The following COMTD1 variants were observed in gnomAD, a reference collection of about 807,000 sequenced individuals.
COMTD1 encodes the protein catechol O-methyltransferase domain-containing protein 1.
In COMTD1, 35 loss-of-function variants were observed where a neutral mutation model predicts 33.6. The observed-to-expected ratio is 1.04, with a 90% confidence interval of 0.80 to 1.38. COMTD1 has a LOEUF of 1.38. Ranked by LOEUF, COMTD1 falls within the 40% of genes most tolerant of loss-of-function variation. COMTD1 has a pLI of 0.00. For synonymous variants in COMTD1, 160 were observed against 176.8 expected, an observed-to-expected ratio of 0.91 and a Z score of 0.75; for missense variants, 370 against 363.4, an observed-to-expected ratio of 1.02 and a Z score of -0.15.
rs572103132 is a variant in COMTD1 at position 75,235,922 on chromosome 10, G to C, written c.7C>G (p.Gln3Glu). 639 of 1,456,990 alleles carry C rather than the reference G, an allele frequency of 4.4e-4. 4 individuals carry two copies. The South Asian group carries it at 8.4e-3, about 19-fold the overall frequency. The allele number at this position is 1,456,990 out of a possible 1,614,324, so 90.3% of individuals were successfully genotyped here. A position where few individuals can be genotyped will look rare whatever the true frequency, so the allele number is the denominator to read the frequency against. The change falls in exon 1 of 7, where the codon CAG (glutamine) becomes GAG (glutamate). Residue 3 changes from glutamine to glutamate, a missense_variant. Physicochemically the swap from Gln to Glu is conservative, Grantham distance 29 (BLOSUM62 2). Transcript: ENST00000372538. MT[Q>E]PVPRLSVPAA... Reference sequence around the variant, plus strand: ...GGCACGGAGAGCCGGGGCACCGGCTGGGTCATGGCGCGGGCAGGAGGCGGC... The same window carrying C: ...GGCACGGAGAGCCGGGGCACCGGCTCGGTCATGGCGCGGGCAGGAGGCGGC...
chr10:75,234,612 T>A lies in COMTD1; in HGVS notation c.634A>T (p.Arg212Ter), dbSNP rs1842160432. ...CTCCCCCGCAGTGGATCCCTTACTCTGAGGACGGCGAGGATGCCTCCGGGT... is the reference window on the plus strand; with the variant it reads ...CTCCCCCGCAGTGGATCCCTTACTCAGAGGACGGCGAGGATGCCTCCGGGT... ...LRPGGILAVL[R>*]VLWRGKVLQP... Residue 212 changes from arginine (R) to a stop codon, truncating the protein, a stop_gained and splice_region_variant, in exon 6 of 7, where the codon AGA becomes TGA. Coordinates refer to ENST00000372538, the MANE Select transcript of COMTD1 (RefSeq NM_144589.4). LOFTEE classifies it high-confidence loss of function. 1.3e-6 allele frequency: 2 copies of A among 1,561,212 alleles called. No individual in the cohort carries two copies. Among genetic ancestry groups the A allele is most frequent in the Non-Finnish European group, 8.7e-7 (1 of 1,153,320 alleles).
chr10:75,235,910 G>C lies in COMTD1; in HGVS notation c.19C>G (p.Arg7Gly), dbSNP rs1842187348. 4 of 1,475,700 alleles carry C rather than the reference G, an allele frequency of 2.7e-6. No homozygotes were observed. In the Admixed American group the frequency reaches 9.4e-5, roughly 35 times the overall value. 91.4% of individuals were successfully genotyped at this position (1,475,700 alleles called of 1,614,324 possible). MTQPVP[R>G]LSVPAALALG... ...GCCAGCGCGGCGGGCACGGAGAGCC[G>C]GGGCACCGGCTGGGTCATGGCGCGG... Residue 7 changes from arginine to glycine, a missense_variant, in exon 1 of 7, where the codon CGG becomes GGG. Physicochemically the swap from Arg to Gly is moderately radical, Grantham distance 125. Coordinates refer to ENST00000372538, the MANE Select transcript of COMTD1 (RefSeq NM_144589.4).
chr10:75,235,015 G>T, intron 4 of COMTD1, 23 bp from the exon 5 acceptor site: 1 of 1,494,286 alleles, frequency 6.7e-7, no homozygotes, highest in Non-Finnish European at 8.9e-7. Context: ...CGGGTCAGCC[G>T]TTGCGCCCCC....
rs2132293865 is a variant in COMTD1, at chr10:75,235,037, C to A, written c.447+23G>T. The A allele has an allele frequency of 3.4e-6, 5 of 1,471,006 alleles. No homozygotes were observed. In the South Asian group the frequency reaches 6.7e-5, roughly 20 times the overall value. The allele number at this position is 1,471,006 out of a possible 1,614,324, so 91.1% of individuals were successfully genotyped here. ...GCCGTTGCGCCCCCGCCTGGGGCTG[C>A]AGAGCTAGGCGCGGGCGCTCACCTG... On this transcript the variant is annotated intron_variant, in intron 4 of 6. Coordinates refer to ENST00000372538, the MANE Select transcript of COMTD1 (RefSeq NM_144589.4).
In COMTD1 at chr10:75,235,344, G is replaced by T. The variant is rs184626206; in HGVS notation, c.251C>A (p.Ser84Tyr). 8.1e-4 allele frequency: 1,282 copies of T among 1,588,696 alleles called. 13 individuals carry two copies. In the East Asian group the frequency reaches 0.026, roughly 33 times the overall value. Residue 84 changes from serine (S) to tyrosine (Y), a missense_variant, in exon 3 of 7, where the codon TCT becomes TAT. Coordinates refer to ENST00000372538, the MANE Select transcript of COMTD1 (RefSeq NM_144589.4). ...LLTLEQPQGDSMMTCEQAQLL... is the reference protein window; with the variant it reads ...LLTLEQPQGDYMMTCEQAQLL... ...CTGGGCCTGCTCGCAGGTCATCATA[G>T]AATCCCCCTGCGGCTGCTCCAGGGT...
chr10:75,233,678 CGT>C lies in COMTD1; in HGVS notation c.*393_*394del, dbSNP rs2132292682. On this transcript the variant is annotated 3_prime_UTR_variant, in exon 7 of 7. Coordinates refer to ENST00000372538, the MANE Select transcript of COMTD1 (RefSeq NM_144589.4). The stretch of plus-strand genomic sequence containing the variant: ...CTCTTTCATGTTGTCAGACACCAGA[CGT>C]GGCTCTCTACCAGTCCCAGCTGCTC... 6.6e-6 allele frequency among the ~76,000 whole-genome samples: 1 copy of C among 152,354 alleles called. No individual in the cohort carries two copies. Among genetic ancestry groups the C allele is most frequent in the Admixed American group, 6.5e-5 (1 of 15,306 alleles).
Position 75,235,891 on chromosome 10 carries a change from G to A in COMTD1, c.38C>T (p.Ala13Val). Residue 13 changes from alanine to valine, a missense_variant, in exon 1 of 7, where the codon GCG (alanine) becomes GTG (valine). Transcript: ENST00000372538. ...QPVPRLSVPAALALGSAALGA... is the reference protein window; with the variant it reads ...QPVPRLSVPAVLALGSAALGA... Reference sequence around the variant, plus strand: ...CAGTGCGGCTGAGCCCAGGGCCAGCGCGGCGGGCACGGAGAGCCGGGGCAC... The same window carrying A: ...CAGTGCGGCTGAGCCCAGGGCCAGCACGGCGGGCACGGAGAGCCGGGGCAC... The A allele has an allele frequency of 6.7e-7, 1 of 1,486,730 alleles. No homozygotes were observed. The highest frequency in any genetic ancestry group is 8.9e-7 in the Non-Finnish European group (1 of 1,125,824). The allele number at this position is 1,486,730 out of a possible 1,614,324, so 92.1% of individuals were successfully genotyped here.
At position 75,235,268 on chromosome 10, in the gene COMTD1, C is replaced by T; in HGVS notation, c.327G>A (p.Leu109=). The T allele has an allele frequency of 6.4e-7, 1 of 1,556,660 alleles. No individual in the cohort carries two copies. Among genetic ancestry groups the T allele is most frequent in the Non-Finnish European group, 8.7e-7 (1 of 1,154,588 alleles). The change falls in exon 3 of 7, where the codon CTG becomes CTA. Residue 109 remains leucine (L), a splice_region_variant and synonymous_variant. Transcript: ENST00000372538. ...GGGATCCCGGCCGCGTGCCCCTACC[C>T]AGGTCCAGCGCCTTCTTGGCCTGGA... ...RLIQAKKALD[L]GTFTGYSALA...
intron 2 of COMTD1, 78 bp from the exon 3 acceptor site, chr10:75,235,450 G>T: frequency 7.4e-7 from 1 of 1,345,606 alleles, no homozygotes; most frequent in Non-Finnish European, 9.8e-7. Context: ...CCAGGGGCGC[G>T]GTTCTGGGCG....
At chr10:75,235,394 C>T in intron 2 of COMTD1, 22 bp from the exon 3 acceptor site, 1 of 1,513,198 alleles carries the variant, frequency 6.6e-7, no homozygotes, top group Non-Finnish European at 8.9e-7. Flanking sequence ...GAGAGGGTGG[C>T]ACCAGCCATG....
At position 75,234,010 on chromosome 10, in the gene COMTD1, T is replaced by G. The variant is rs1156703782; in HGVS notation, c.*63A>C. On this transcript the variant is annotated 3_prime_UTR_variant, in exon 7 of 7. Transcript: ENST00000372538. The stretch of plus-strand genomic sequence containing the variant: ...CCCACTTTATTTTCGAATTTAAAAC[T>G]CAGGGTCAATTCCTGGGGTTCCCAG... 1 of 1,612,382 alleles carries G rather than the reference T, an allele frequency of 6.2e-7. No individual in the cohort carries two copies. The highest frequency in any genetic ancestry group is 8.5e-7 in the Non-Finnish European group (1 of 1,179,828).
At position 75,234,700 on chromosome 10, in the gene COMTD1, G is replaced by T. The variant is rs935926149; in HGVS notation, c.546C>A (p.Ala182=). ...AAGEAGTFDV[A]VVDADKENCS... is the part of the protein sequence containing the mutation. ...AGTTCTCCTTGTCCGCATCCACCAC[G>T]GCCACGTCGAAGGTGCCGGCCTCGC... Residue 182 remains alanine (A), a synonymous_variant, in exon 6 of 7, where the codon GCC becomes GCA. Coordinates refer to ENST00000372538, the MANE Select transcript of COMTD1 (RefSeq NM_144589.4). 2 of 1,592,852 alleles carry T rather than the reference G, an allele frequency of 1.3e-6. No homozygotes were observed. The highest frequency in any genetic ancestry group is 8.5e-7 in the Non-Finnish European group (1 of 1,171,032).
chr10:75,234,943 G>A lies in COMTD1; in HGVS notation c.497C>T (p.Thr166Ile). Residue 166 changes from threonine (T) to isoleucine (I), a missense_variant, in exon 5 of 7, where the codon ACC becomes ATC. Transcript: ENST00000372538. ...CTTCCCGCTTCGGTGCTCACCCAGG[G>A]TCTCCAAGGCGGGCTTCAGCCGGAG... ...IDLRLKPALE[T>I]LDELLAAGEA... The A allele has an allele frequency of 1.3e-6, 2 of 1,530,402 alleles. No individual in the cohort carries two copies. The highest frequency in any genetic ancestry group is 1.2e-5 in the South Asian group (1 of 81,548). The allele number at this position is 1,530,402 out of a possible 1,614,324, so 94.8% of individuals were successfully genotyped here.
In COMTD1 at chr10:75,235,721, TCGCCATGGGGGGCACCGCCTCCCTGA is replaced by T; in HGVS notation, c.95-4_116del. The T allele has an allele frequency of 6.2e-7, 1 of 1,601,538 alleles. No individual in the cohort carries two copies. The highest frequency in any genetic ancestry group is 1.1e-5 in the South Asian group (1 of 89,210). On this transcript the variant is annotated splice_acceptor_variant and splice_polypyrimidine_tract_variant and coding_sequence_variant and intron_variant, in exon 2 of 7. Coordinates refer to ENST00000372538, the MANE Select transcript of COMTD1 (RefSeq NM_144589.4). LOFTEE classifies it high-confidence loss of function. Reference sequence around the variant, plus strand: ...GAAGCAGGCACTGCTCTCGCCGGCCTCGCCATGGGGGGCACCGCCTCCCTGACGGGGAGAGGGTGTTGGATTAACCT... The same window carrying T: ...GAAGCAGGCACTGCTCTCGCCGGCCTCGGGGAGAGGGTGTTGGATTAACCT...
In COMTD1 at chr10:75,235,568, C is replaced by T. The variant is rs759097625; in HGVS notation, c.222+48G>A. The T allele has an allele frequency of 7.2e-6, 11 of 1,528,688 alleles. No individual in the cohort carries two copies. The Admixed American group carries it at 1.9e-4, about 26-fold the overall frequency. The allele number at this position is 1,528,688 out of a possible 1,614,324, so 94.7% of individuals were successfully genotyped here. A position where few individuals can be genotyped will look rare whatever the true frequency, so the allele number is the denominator to read the frequency against. ...CCAAGGTCACACAGCCACGTGGGAC[C>T]CGCAGGGGTCGAGAGGGACGCCCGT... On this transcript the variant is annotated intron_variant, in intron 2 of 6. Transcript: ENST00000372538.
chr10:75,235,322 G>GGCCT lies in COMTD1; in HGVS notation c.269_272dup (p.Gln92GlyfsTer210), dbSNP rs774041682. On this transcript the variant is annotated frameshift_variant, in exon 3 of 7. Coordinates refer to ENST00000372538, the MANE Select transcript of COMTD1 (RefSeq NM_144589.4). LOFTEE classifies it high-confidence loss of function. ...GCCGCGCCAGGTTGGCCAAGAGCTG[G>GGCCT]GCCTGCTCGCAGGTCATCATAGAAT... The GGCCT allele has an allele frequency of 1.9e-6, 3 of 1,595,090 alleles. No individual in the cohort carries two copies. Among genetic ancestry groups the GGCCT allele is most frequent in the Non-Finnish European group, 2.6e-6 (3 of 1,173,514 alleles).
Position 75,233,729 on chromosome 10 carries a change from G to A in COMTD1, c.*344C>T, listed in dbSNP as rs754657920. Reference sequence around the variant, plus strand: ...TCAGAACCAGAGCTTCGCCTGCCCTGAGGGAGAGATGTAGGAGGCAGACAA... The same window carrying A: ...TCAGAACCAGAGCTTCGCCTGCCCTAAGGGAGAGATGTAGGAGGCAGACAA... On this transcript the variant is annotated 3_prime_UTR_variant, in exon 7 of 7. Coordinates refer to ENST00000372538, the MANE Select transcript of COMTD1 (RefSeq NM_144589.4). Among the ~76,000 whole-genome samples, 8 of 152,254 alleles carry A rather than the reference G, an allele frequency of 5.3e-5. No individual in the cohort carries two copies. Among genetic ancestry groups the A allele is most frequent in the African/African-American group, 1.7e-4 (7 of 41,478 alleles).
Position 75,235,011 on chromosome 10 carries a change from A to G in COMTD1, c.448-19T>C. 1 of 1,496,532 alleles carries G rather than the reference A, an allele frequency of 6.7e-7. No individual in the cohort carries two copies. The allele number at this position is 1,496,532 out of a possible 1,614,324, so 92.7% of individuals were successfully genotyped here. ...CCTCGGCCTGCGGAGGGAGCGGGTC[A>G]GCCGTTGCGCCCCCGCCTGGGGCTG... On this transcript the variant is annotated intron_variant, in intron 4 of 6. Coordinates refer to ENST00000372538, the MANE Select transcript of COMTD1 (RefSeq NM_144589.4).
rs774028322 is a variant in COMTD1 at position 75,235,189 on chromosome 10, G to T, written c.329-11C>A. ...AGCCCGTGAAGGTGCCTGGGACCAG[G>T]ACACAGACGGGCTCAGCCCAGAGTG... On this transcript the variant is annotated splice_polypyrimidine_tract_variant and intron_variant, in intron 3 of 6. Transcript: ENST00000372538. 1 of 1,427,162 alleles carries T rather than the reference G, an allele frequency of 7.0e-7. No homozygotes were observed. Among genetic ancestry groups the T allele is most frequent in the South Asian group, 1.5e-5 (1 of 67,020 alleles). 88.4% of individuals were successfully genotyped at this position (1,427,162 alleles called of 1,614,324 possible).
Sources: gnomAD v4.1 joint callset for allele counts (sites outside exome capture counted in the v4.1 genomes callset) on GRCh38, gnomAD v4.1.1 for gene constraint, MANE v1.5 for transcripts, NCBI Gene and HGNC (gene_info 2026-07-23, HGNC 2026-07-21) for gene names.